The following FAM168B variants were observed in gnomAD, a reference collection of about 807,000 sequenced individuals.
The protein encoded by FAM168B is myelin-associated neurite-outgrowth inhibitor.
A neutral mutation model predicts 21.8 loss-of-function variants in FAM168B; 19 were observed. The ratio of observed to expected loss-of-function variants is 0.87; its 90% CI spans 0.61 to 1.28. The LOEUF (loss-of-function observed/expected upper bound fraction) is 1.28. FAM168B is among the 50% of genes most tolerant of loss of function. The pLI is 0.00. For missense variants in FAM168B, 233 were observed against 263.1 expected (o/e 0.89, Z 0.79); for synonymous variants, 126 against 104.8 (o/e 1.20, Z -1.24).
chr2:131,052,034 C>T lies in FAM168B; in HGVS notation c.*431G>A. ...CACTTTAACACTTATAACTGTAAGA[C>T]TTTGCATACATTACAACAGTGCATT... On this transcript the variant is annotated 3_prime_UTR_variant, in exon 7 of 7. Coordinates refer to ENST00000389915, the MANE Select transcript of FAM168B (RefSeq NM_001009993.4). 1.0e-6 allele frequency: 1 copy of T among 985,724 alleles called. No homozygotes were observed. The highest frequency in any genetic ancestry group is 1.2e-6 in the Non-Finnish European group (1 of 829,930). The allele number at this position is 985,724 out of a possible 1,614,324, so 61.1% of individuals were successfully genotyped here.
In FAM168B at chr2:131,050,173, C is replaced by G. The variant is rs1181009726; in HGVS notation, c.*2292G>C. The G allele has an allele frequency of 1.0e-6, 1 of 985,334 alleles. No homozygotes were observed. The highest frequency in any genetic ancestry group is 1.7e-5 in the African/African-American group (1 of 57,234). 61.0% of individuals were successfully genotyped at this position (985,334 alleles called of 1,614,324 possible). A position where few individuals can be genotyped will look rare whatever the true frequency, so the allele number is the denominator to read the frequency against. ...CTTTAAAACACCATCCTGTGTGTGC[C>G]AAGTACCAAGCAAGCCTGAAGAGAT... On this transcript the variant is annotated 3_prime_UTR_variant, in exon 7 of 7. Coordinates refer to ENST00000389915, the MANE Select transcript of FAM168B (RefSeq NM_001009993.4).
rs1316858056 is a variant in FAM168B at position 131,048,674 on chromosome 2, G to C, written c.*3791C>G. On this transcript the variant is annotated 3_prime_UTR_variant, in exon 7 of 7. Coordinates refer to ENST00000389915, the MANE Select transcript of FAM168B (RefSeq NM_001009993.4). ...CATGTCCTCTGCAGTATACTCAAGA[G>C]TCTGCTGCCCTTCAGAAAGCCAGAG... The C allele has an allele frequency of 2.0e-6, 2 of 991,502 alleles. No homozygotes were observed. The highest frequency in any genetic ancestry group is 3.5e-5 in the African/African-American group (2 of 57,450). The allele number at this position is 991,502 out of a possible 1,614,324, so 61.4% of individuals were successfully genotyped here.
intron 1 of FAM168B, among the ~76,000 whole-genome samples, chr2:131,088,386 C>T (rs1369789855): frequency 6.6e-6 from 1 of 151,602 alleles, no homozygotes; most frequent in Non-Finnish European, 1.5e-5. Flanking sequence ...GGACAAATGA[C>T]CCAGTTTCTT....
intron 1 of FAM168B, among the ~76,000 whole-genome samples, chr2:131,091,824 T>A (rs1327629202): frequency 6.6e-6 from 1 of 151,512 alleles, no homozygotes; most frequent in African/African-American, 2.4e-5. Context: ...TACGCTGGTG[T>A]ACTGTTCTTT....
In FAM168B at chr2:131,048,578, G is replaced by C; in HGVS notation, c.*3887C>G. The C allele has an allele frequency of 9.1e-7, 1 of 1,099,944 alleles. No individual in the cohort carries two copies. The highest frequency in any genetic ancestry group is 1.1e-6 in the Non-Finnish European group (1 of 893,494). 68.1% of individuals were successfully genotyped at this position (1,099,944 alleles called of 1,614,324 possible). A position where few individuals can be genotyped will look rare whatever the true frequency, so the allele number is the denominator to read the frequency against. On this transcript the variant is annotated 3_prime_UTR_variant, in exon 7 of 7. Coordinates refer to ENST00000389915, the MANE Select transcript of FAM168B (RefSeq NM_001009993.4). ...AAACATGCAGTTTCCGACCCAAATA[G>C]GCCACATACCCCAACTTCTGTGTTA...
intron 3 of FAM168B, among the ~76,000 whole-genome samples, chr2:131,065,775 CG>C (rs1244838663): frequency 7.4e-6 from 1 of 135,574 alleles, no homozygotes; most frequent in Admixed American, 8.4e-5. Context: ...GGCAACAGAG[CG>C]AGACTCCAGC....
At chr2:131,065,285 G>A (rs1280318269) in intron 3 of FAM168B, among the ~76,000 whole-genome samples, 2 of 152,110 alleles carry the variant, frequency 1.3e-5, no homozygotes, top group South Asian at 4.1e-4. Flanking sequence ...GCAGGCAACT[G>A]CTATTGTTCA....
intron 3 of FAM168B, among the ~76,000 whole-genome samples, chr2:131,062,472 G>C (rs972947541): frequency 4.6e-5 from 7 of 152,074 alleles, no homozygotes; most frequent in Admixed American, 3.9e-4. Context: ...TTTTGAGACG[G>C]AGTCTCGCTC....
intron 1 of FAM168B, among the ~76,000 whole-genome samples, chr2:131,092,362 C>CTTT (rs200805945): frequency 2.0e-5 from 3 of 151,330 alleles, no homozygotes; most frequent in African/African-American, 7.4e-5. Flanking sequence ...ATAACCCACT[C>CTTT]CTTCATCTAC....
chr2:131,077,347 G>A (rs547630692), intron 2 of FAM168B, among the ~76,000 whole-genome samples: 11 of 152,084 alleles, frequency 7.2e-5, no homozygotes, highest in African/African-American at 1.4e-4. Flanking sequence ...GGAGAAGTAT[G>A]TGGGTCAACA....
At chr2:131,074,512 G>A (rs1386382442) in intron 2 of FAM168B, among the ~76,000 whole-genome samples, 1 of 152,180 alleles carries the variant, frequency 6.6e-6, no homozygotes, top group Admixed American at 6.6e-5. Flanking sequence ...CTAGCTGTGA[G>A]AAGCTGTAAC....
chr2:131,048,871 G>A lies in FAM168B; in HGVS notation c.*3594C>T. 1.0e-6 allele frequency: 1 copy of A among 986,050 alleles called. No individual in the cohort carries two copies. The highest frequency in any genetic ancestry group is 5.2e-4 in the Middle Eastern group (1 of 1,916). The allele number at this position is 986,050 out of a possible 1,614,324, so 61.1% of individuals were successfully genotyped here. ...GCCACCTGCTGCTGCGCCCAATGGA[G>A]GTCCTGTCCTGTCCGGGCAACAGCC... On this transcript the variant is annotated 3_prime_UTR_variant, in exon 7 of 7. Coordinates refer to ENST00000389915, the MANE Select transcript of FAM168B (RefSeq NM_001009993.4).
chr2:131,084,799 T>C (rs1325025201), intron 1 of FAM168B, among the ~76,000 whole-genome samples: 1 of 152,052 alleles, frequency 6.6e-6, no homozygotes, highest in African/African-American at 2.4e-5. Flanking sequence ...CATAGCTCAC[T>C]GCAGACTTGA....
rs570773520 is a variant in FAM168B, at chr2:131,049,390, G to C, written c.*3075C>G. 8 of 985,458 alleles carry C rather than the reference G, an allele frequency of 8.1e-6. No individual in the cohort carries two copies. In the East Asian group the frequency reaches 7.9e-4, roughly 98 times the overall value. 61.0% of individuals were successfully genotyped at this position (985,458 alleles called of 1,614,324 possible). A position where few individuals can be genotyped will look rare whatever the true frequency, so the allele number is the denominator to read the frequency against. On this transcript the variant is annotated 3_prime_UTR_variant, in exon 7 of 7. Coordinates refer to ENST00000389915, the MANE Select transcript of FAM168B (RefSeq NM_001009993.4). ...AGGTTTCCCAGAATAGCGACAGGTA[G>C]GCCTACAAACCACACCAAGAAGAAC...
At chr2:131,092,896 C>T (rs1490008211) in intron 1 of FAM168B, among the ~76,000 whole-genome samples, 1 of 152,136 alleles carries the variant, frequency 6.6e-6, no homozygotes, top group Admixed American at 6.5e-5. Flanking sequence ...CAAAGCTCTG[C>T]CCCCGGGTTT....
chr2:131,052,454 T>A lies in FAM168B; in HGVS notation c.*13-2A>T. ...GACTGCACAGCTCCGTCCTCAAACCTGCAGAAAGGAAGACAGACACTCAGT... is the reference window on the plus strand; with the variant it reads ...GACTGCACAGCTCCGTCCTCAAACCAGCAGAAAGGAAGACAGACACTCAGT... On this transcript the variant is annotated splice_acceptor_variant, in intron 6 of 6. Coordinates refer to ENST00000389915, the MANE Select transcript of FAM168B (RefSeq NM_001009993.4). LOFTEE classifies it low-confidence loss of function (3UTR_SPLICE). 7.0e-6 allele frequency: 7 copies of A among 998,154 alleles called. No homozygotes were observed. The highest frequency in any genetic ancestry group is 7.2e-6 in the Non-Finnish European group (6 of 837,006). 61.8% of individuals were successfully genotyped at this position (998,154 alleles called of 1,614,324 possible). A position where few individuals can be genotyped will look rare whatever the true frequency, so the allele number is the denominator to read the frequency against.
intron 3 of FAM168B, among the ~76,000 whole-genome samples, chr2:131,064,656 G>T (rs1375667200): frequency 1.3e-5 from 2 of 152,116 alleles, no homozygotes; most frequent in Admixed American, 6.6e-5. Flanking sequence ...CTCCCAGGTG[G>T]TTACTGAAGA....
At chr2:131,090,584 T>C (rs1693957099) in intron 1 of FAM168B, among the ~76,000 whole-genome samples, 1 of 151,906 alleles carries the variant, frequency 6.6e-6, no homozygotes, top group Admixed American at 6.6e-5. Context: ...CAACAAGAGC[T>C]TGTAGACTTG....
In FAM168B at chr2:131,049,287, C is replaced by A; in HGVS notation, c.*3178G>T. 2 of 985,494 alleles carry A rather than the reference C, an allele frequency of 2.0e-6. No homozygotes were observed. The highest frequency in any genetic ancestry group is 2.4e-6 in the Non-Finnish European group (2 of 830,002). The allele number at this position is 985,494 out of a possible 1,614,324, so 61.0% of individuals were successfully genotyped here. A position where few individuals can be genotyped will look rare whatever the true frequency, so the allele number is the denominator to read the frequency against. On this transcript the variant is annotated 3_prime_UTR_variant, in exon 7 of 7. Coordinates refer to ENST00000389915, the MANE Select transcript of FAM168B (RefSeq NM_001009993.4). Reference sequence around the variant, plus strand: ...TATGCCCAGCTGGGGAAGGGCAAGACACTCACTGACCAGGTGCCCACCCCA... The same window carrying A: ...TATGCCCAGCTGGGGAAGGGCAAGAAACTCACTGACCAGGTGCCCACCCCA...
Sources: gnomAD v4.1 joint callset for allele counts (sites outside exome capture counted in the v4.1 genomes callset) on GRCh38, gnomAD v4.1.1 for gene constraint, MANE v1.5 for transcripts, NCBI Gene and HGNC (gene_info 2026-07-23, HGNC 2026-07-21) for gene names.